Variants in RRP8 observed in about 807,000 individuals in gnomAD.
RRP8 encodes the protein ribosomal RNA processing 8.
Under a neutral mutation model 45.0 loss-of-function variants are expected in RRP8, and 48 were observed. The ratio of observed to expected loss-of-function variants is 1.07; its 90% CI spans 0.85 to 1.36. RRP8 has a LOEUF of 1.36. RRP8 is among the 40% of genes most tolerant of loss of function. The pLI, the probability that RRP8 is intolerant of heterozygous loss-of-function variation, is 0.00. For missense variants in RRP8, 658 were observed against 573.7 expected, an observed-to-expected ratio of 1.15 and a Z score of -1.50; for synonymous variants, 274 against 212.4, an observed-to-expected ratio of 1.29 and a Z score of -2.52.
chr11:6,601,874 G>A lies in RRP8; in HGVS notation c.441C>T (p.His147=). The A allele has an allele frequency of 6.2e-7, 1 of 1,613,010 alleles. No individual in the cohort carries two copies. Among genetic ancestry groups the A allele is most frequent in the Non-Finnish European group, 8.5e-7 (1 of 1,179,410 alleles). The change falls in exon 2 of 7, where the codon CAC becomes CAT. Residue 147 remains histidine, a synonymous_variant. Transcript: ENST00000254605. ...QKHAPINSAQ[H]LDNVDQTGPK... ...TACCTGTTTGGTCAACATTGTCCAG[G>A]TGCTGGGCTGAATTTATAGGGGCAT... is the stretch of plus-strand genomic sequence containing the variant.
Position 6,601,530 on chromosome 11 carries a change from G to C in RRP8, c.536C>G (p.Pro179Arg). 2 of 1,609,986 alleles carry C rather than the reference G, an allele frequency of 1.2e-6. No homozygotes were observed. The highest frequency in any genetic ancestry group is 1.7e-6 in the Non-Finnish European group (2 of 1,180,006). ...KQSPGSTSPK[P>R]PHTLSRKQWR... ...CTGCTTGCGGCTTAATGTATGAGGG[G>C]GTTTAGGGGAAGTGGACCCAGGGCT... Residue 179 changes from proline (P) to arginine (R), a missense_variant, in exon 3 of 7, where the codon CCC becomes CGC. Transcript: ENST00000254605.
rs1285196249 is a variant in RRP8, at chr11:6,595,684, G to T, written c.*4462C>A. ...TGATTTTAAACTCATGGGACAAAAA[G>T]AAAGTGTTGACTGGCATCTGGCAAG... On this transcript the variant is annotated 3_prime_UTR_variant, in exon 7 of 7. Transcript: ENST00000254605. 2 of 152,158 alleles carry T rather than the reference G, an allele frequency of 1.3e-5. No individual in the cohort carries two copies. Among genetic ancestry groups the T allele is most frequent in the African/African-American group, 2.4e-5 (1 of 41,426 alleles). The allele number at this position is 152,158 out of a possible 1,614,324, so 9.4% of individuals were successfully genotyped here. A position where few individuals can be genotyped will look rare whatever the true frequency, so the allele number is the denominator to read the frequency against.
rs1160698952 is a variant in RRP8 at position 6,599,581 on chromosome 11, C to G, written c.*565G>C. ...GGGGAAAGATAAACCACTAGAAATGCTCGGTATGGGGACAACCAAACAGTC... is the reference window on the plus strand; with the variant it reads ...GGGGAAAGATAAACCACTAGAAATGGTCGGTATGGGGACAACCAAACAGTC... On this transcript the variant is annotated 3_prime_UTR_variant, in exon 7 of 7. Transcript: ENST00000254605. The G allele has an allele frequency of 2.0e-5, 3 of 152,204 alleles. No individual in the cohort carries two copies. The highest frequency in any genetic ancestry group is 2.9e-5 in the Non-Finnish European group (2 of 68,072). 9.4% of individuals were successfully genotyped at this position (152,204 alleles called of 1,614,324 possible).
chr11:6,600,197 CT>C lies in RRP8; in HGVS notation c.1319del (p.Lys440ArgfsTer37). 1 of 1,608,736 alleles carries C rather than the reference CT, an allele frequency of 6.2e-7. No homozygotes were observed. Among genetic ancestry groups the C allele is most frequent in the Non-Finnish European group, 8.5e-7 (1 of 1,178,066 alleles). On this transcript the variant is annotated frameshift_variant, in exon 7 of 7. Coordinates refer to ENST00000254605, the MANE Select transcript of RRP8 (RefSeq NM_015324.4). LOFTEE classifies it high-confidence loss of function. The stretch of plus-strand genomic sequence containing the variant: ...GAAGCTGCAGGCCTGAAAGCTGAGC[CT>C]TGGGCCCTACCAGAGGGGGCCCAGT... ...QKTGPPLVGPKAQLSGLQLQP... is the reference protein window; with the variant it reads ...QKTGPPLVGPXAQLSGLQLQP...
chr11:6,600,867 T>C lies in RRP8; in HGVS notation c.1047+59A>G, dbSNP rs909338149. On this transcript the variant is annotated intron_variant, in intron 4 of 6. Coordinates refer to ENST00000254605, the MANE Select transcript of RRP8 (RefSeq NM_015324.4). ...AGGATGGGAAAGGGGAAGGAAGGGT[T>C]AGAGATTAGCATACGGAGGTTGGCC... The C allele has an allele frequency of 2.5e-6, 4 of 1,612,760 alleles. No individual in the cohort carries two copies. The African/African-American group carries it at 4.0e-5, about 16-fold the overall frequency.
rs1403539099 is a variant in RRP8, at chr11:6,602,128, C to T, written c.187G>A (p.Asp63Asn). 6.2e-7 allele frequency: 1 copy of T among 1,612,250 alleles called. No individual in the cohort carries two copies. Among genetic ancestry groups the T allele is most frequent in the South Asian group, 1.1e-5 (1 of 90,980 alleles). ...SQHPPSLCISDSEEEEEERKK... is the reference protein window; with the variant it reads ...SQHPPSLCISNSEEEEEERKK... Reference sequence around the variant, plus strand: ...CTTTCCTCCTCCTCCTCCTCAGAGTCACTTATACATAGGCTGGGGGGATGC... The same window carrying T: ...CTTTCCTCCTCCTCCTCCTCAGAGTTACTTATACATAGGCTGGGGGGATGC... Residue 63 changes from aspartate (D) to asparagine (N), a missense_variant, in exon 2 of 7, where the codon GAC becomes AAC. Transcript: ENST00000254605.
At position 6,600,687 on chromosome 11, in the gene RRP8, T is replaced by C. The variant is rs1300937035; in HGVS notation, c.1136A>G (p.Asn379Ser). 1 of 1,614,090 alleles carries C rather than the reference T, an allele frequency of 6.2e-7. No homozygotes were observed. The highest frequency in any genetic ancestry group is 1.7e-5 in the Admixed American group (1 of 60,028). ...TNIRDFLEEA[N>S]RVLKPGGLLK... Reference sequence around the variant, plus strand: ...CTCTTACCCTGGCTTCAGTACTCTATTTGCCTCCTCTAGGAAGTCCCTGAT... The same window carrying C: ...CTCTTACCCTGGCTTCAGTACTCTACTTGCCTCCTCTAGGAAGTCCCTGAT... Residue 379 changes from asparagine to serine, a missense_variant, in exon 5 of 7, where the codon AAT becomes AGT. Transcript: ENST00000254605.
At position 6,595,714 on chromosome 11, in the gene RRP8, T is replaced by C. The variant is rs1263293356; in HGVS notation, c.*4432A>G. Reference sequence around the variant, plus strand: ...TGTTGACTGGCATCTGGCAAGATAATTAAATATCTGAAACACCCTGAAGGA... The same window carrying C: ...TGTTGACTGGCATCTGGCAAGATAACTAAATATCTGAAACACCCTGAAGGA... On this transcript the variant is annotated 3_prime_UTR_variant, in exon 7 of 7. Coordinates refer to ENST00000254605, the MANE Select transcript of RRP8 (RefSeq NM_015324.4). 1 of 152,122 alleles carries C rather than the reference T, an allele frequency of 6.6e-6. No homozygotes were observed. Among genetic ancestry groups the C allele is most frequent in the Non-Finnish European group, 1.5e-5 (1 of 68,022 alleles). 9.4% of individuals were successfully genotyped at this position (152,122 alleles called of 1,614,324 possible). A position where few individuals can be genotyped will look rare whatever the true frequency, so the allele number is the denominator to read the frequency against.
rs753085836 is a variant in RRP8, at chr11:6,601,485, T to C, written c.581A>G (p.Asn194Ser). The part of the protein sequence containing the change: ...SRKQWRNRQK[N>S]KRRCKNKFQP... ...AAACTTGTTCTTACATCTTCTCTTG[T>C]TCTTTTGCCGGTTCCGCCACTGCTT... The change falls in exon 3 of 7, where the codon AAC becomes AGC. Residue 194 changes from asparagine to serine, a missense_variant. Asn to Ser is a conservative substitution (Grantham distance 46). Coordinates refer to ENST00000254605, the MANE Select transcript of RRP8 (RefSeq NM_015324.4). The C allele has an allele frequency of 1.3e-5, 21 of 1,613,520 alleles. No homozygotes were observed. Among genetic ancestry groups the C allele is most frequent in the South Asian group, 1.1e-4 (10 of 91,088 alleles).
At position 6,600,713 on chromosome 11, in the gene RRP8, G is replaced by T. The variant is rs767585275; in HGVS notation, c.1110C>A (p.Asn370Lys). The T allele has an allele frequency of 6.2e-7, 1 of 1,614,000 alleles. No individual in the cohort carries two copies. The highest frequency in any genetic ancestry group is 1.7e-5 in the Admixed American group (1 of 60,000). The change falls in exon 5 of 7, where the codon AAC becomes AAA. Residue 370 changes from asparagine to lysine, a missense_variant. Physicochemically the swap from Asn to Lys is moderately conservative, Grantham distance 94. Coordinates refer to ENST00000254605, the MANE Select transcript of RRP8 (RefSeq NM_015324.4). ...AVFCLSLMGT[N>K]IRDFLEEANR... ...TTGCCTCCTCTAGGAAGTCCCTGAT[G>T]TTGGTTCCCATCAGTGAAAGGCAAA...
Position 6,602,028 on chromosome 11 carries a change from C to T in RRP8, c.287G>A (p.Cys96Tyr), listed in dbSNP as rs781070667. Residue 96 changes from cysteine to tyrosine, a missense_variant, in exon 2 of 7, where the codon TGT (cysteine) becomes TAT (tyrosine). Cys to Tyr is a radical substitution (Grantham distance 194). Coordinates refer to ENST00000254605, the MANE Select transcript of RRP8 (RefSeq NM_015324.4). ...ACTGCAAGGTGGGCCCTGTTTTTGA[C>T]ATTTCTTCTTCCCTTTCTTCCCTAC... ...AEVGKKGKKK[C>Y]QKQGPPCSDS... The T allele has an allele frequency of 1.2e-6, 2 of 1,614,154 alleles. No individual in the cohort carries two copies. Among genetic ancestry groups the T allele is most frequent in the Admixed American group, 1.7e-5 (1 of 60,028 alleles).
In RRP8 at chr11:6,596,922, T is replaced by G. The variant is rs1156597473; in HGVS notation, c.*3224A>C. ...TGAGGCACGGATAACCAAACCCAAT[T>G]TTATTCTTGTCTCTTACCACCCTCC... On this transcript the variant is annotated 3_prime_UTR_variant, in exon 7 of 7. Coordinates refer to ENST00000254605, the MANE Select transcript of RRP8 (RefSeq NM_015324.4). 6.6e-6 allele frequency: 1 copy of G among 152,196 alleles called. No individual in the cohort carries two copies. The highest frequency in any genetic ancestry group is 2.4e-5 in the African/African-American group (1 of 41,436). The allele number at this position is 152,196 out of a possible 1,614,324, so 9.4% of individuals were successfully genotyped here.
At position 6,600,222 on chromosome 11, in the gene RRP8, G is replaced by C; in HGVS notation, c.1295C>G (p.Thr432Ser). Residue 432 changes from threonine to serine, a missense_variant, in exon 7 of 7, where the codon ACT becomes AGT. Thr to Ser is a moderately conservative substitution (Grantham distance 58, BLOSUM62 1). Transcript: ENST00000254605. ...SHFFLFDFQK[T>S]GPPLVGPKAQ... is the part of the protein sequence containing the mutation. The stretch of plus-strand genomic sequence containing the variant: ...CTTGGGCCCTACCAGAGGGGGCCCA[G>C]TCTTTTGGAAATCAAACAAGAAGAA... 1 of 1,605,270 alleles carries C rather than the reference G, an allele frequency of 6.2e-7. No homozygotes were observed. The highest frequency in any genetic ancestry group is 2.2e-5 in the East Asian group (1 of 44,798).
At position 6,600,479 on chromosome 11, in the gene RRP8, C is replaced by A; in HGVS notation, c.1251+7G>T. The A allele has an allele frequency of 6.2e-7, 1 of 1,612,484 alleles. No individual in the cohort carries two copies. The highest frequency in any genetic ancestry group is 8.5e-7 in the Non-Finnish European group (1 of 1,179,392). On this transcript the variant is annotated splice_region_variant and intron_variant, in intron 6 of 6. Transcript: ENST00000254605. ...AAAAACAGGTACAGATGTCTTGGGG[C>A]CCTCACCTTGGAGACAATCTTGAAG...
At chr11:6,602,611 T>C (rs1429643262) in intron 1 of RRP8, among the ~76,000 whole-genome samples, 1 of 152,176 alleles carries the variant, frequency 6.6e-6, no homozygotes, top group Non-Finnish European at 1.5e-5. Context: ...GTATATTAAA[T>C]ATTTAACATG....
rs1476281829 is a variant in RRP8 at position 6,600,578 on chromosome 11, G to A, written c.1159C>T (p.Leu387Phe). Reference protein sequence around the residue: ...EANRVLKPGGLLKVAEVSSRF... With the variant: ...EANRVLKPGGFLKVAEVSSRF... The stretch of plus-strand genomic sequence containing the variant: ...CTGCTGACCTCAGCCACTTTCAGGA[G>A]ACCCCTGAGAAAGACAGAAAGTTCT... The change falls in exon 6 of 7, where the codon CTC (leucine) becomes TTC (phenylalanine). Residue 387 changes from leucine (L) to phenylalanine (F), a missense_variant. Transcript: ENST00000254605. 1 of 1,613,890 alleles carries A rather than the reference G, an allele frequency of 6.2e-7. No individual in the cohort carries two copies. The highest frequency in any genetic ancestry group is 8.5e-7 in the Non-Finnish European group (1 of 1,179,938).
rs1854264264 is a variant in RRP8 at position 6,598,113 on chromosome 11, C to G, written c.*2033G>C. The G allele has an allele frequency of 6.6e-6, 1 of 152,222 alleles. No homozygotes were observed. Among genetic ancestry groups the G allele is most frequent in the Non-Finnish European group, 1.5e-5 (1 of 68,072 alleles). The allele number at this position is 152,222 out of a possible 1,614,324, so 9.4% of individuals were successfully genotyped here. A position where few individuals can be genotyped will look rare whatever the true frequency, so the allele number is the denominator to read the frequency against. ...TCTAGGCTGCTGATTCCCAGACCCC[C>G]AGCACAGATTTCACGCATGTCCCAC... On this transcript the variant is annotated 3_prime_UTR_variant, in exon 7 of 7. Transcript: ENST00000254605.
rs770831825 is a variant in RRP8, at chr11:6,600,701, G to A, written c.1122C>T (p.Phe374=). 6.2e-7 allele frequency: 1 copy of A among 1,614,120 alleles called. No homozygotes were observed. Among genetic ancestry groups the A allele is most frequent in the South Asian group, 1.1e-5 (1 of 91,078 alleles). The change falls in exon 5 of 7, where the codon TTC becomes TTT. Residue 374 remains phenylalanine, a synonymous_variant. Coordinates refer to ENST00000254605, the MANE Select transcript of RRP8 (RefSeq NM_015324.4). ...TCAGTACTCTATTTGCCTCCTCTAG[G>A]AAGTCCCTGATGTTGGTTCCCATCA... ...LSLMGTNIRD[F]LEEANRVLKP... is the part of the protein sequence containing the mutation.
At chr11:6,603,290 C>A in intron 1 of RRP8, 114 bp downstream of exon 1, 3 of 719,566 alleles carry the variant, frequency 4.2e-6, no homozygotes, top group South Asian at 3.5e-5. Flanking sequence ...CAGATCAGGA[C>A]TCGCCCTTAA....
Sources: gnomAD v4.1 joint callset for allele counts (sites outside exome capture counted in the v4.1 genomes callset) on GRCh38, gnomAD v4.1.1 for gene constraint, MANE v1.5 for transcripts, NCBI Gene and HGNC (gene_info 2026-07-23, HGNC 2026-07-21) for gene names.